DENND10: variants seen among roughly 807,000 people sequenced by gnomAD.
The protein encoded by DENND10 is DENN domain-containing protein 10.
In DENND10, 24 loss-of-function variants were observed where a neutral mutation model predicts 43.6. That is an observed-to-expected ratio of 0.55 (90% CI 0.40 to 0.77). The LOEUF is 0.77. Ranked by LOEUF, DENND10 falls within the 30% of genes least tolerant of loss-of-function variation. The pLI is 0.00. For missense variants in DENND10, 303 were observed against 429.9 expected (o/e 0.70, Z 2.61); for synonymous variants, 125 against 157.6 (o/e 0.79, Z 1.55).
At chr10:119,107,308 A>G (rs1248635001) in intron 1 of DENND10, among the ~76,000 whole-genome samples, 3 of 151,998 alleles carry the variant, frequency 2.0e-5, no homozygotes, top group Non-Finnish European at 4.4e-5. Context: ...AAAAAAAAAA[A>G]AAAGAATTAT....
At chr10:119,117,721 A>G (rs1845361846) in intron 4 of DENND10, 54 bp downstream of exon 4, 3 of 1,576,612 alleles carry the variant, frequency 1.9e-6, no homozygotes, top group Non-Finnish European at 1.7e-6. Context: ...TAATCCCAAC[A>G]CTTTGGGAGG....
In DENND10 at chr10:119,132,670, G is replaced by T. The variant is rs180698981; in HGVS notation, c.897+61G>T. 1.9e-5 allele frequency: 26 copies of T among 1,369,898 alleles called. No individual in the cohort carries two copies. Among genetic ancestry groups the T allele is most frequent in the Non-Finnish European group, 2.4e-5 (23 of 957,326 alleles). The allele number at this position is 1,369,898 out of a possible 1,614,324, so 84.9% of individuals were successfully genotyped here. A position where few individuals can be genotyped will look rare whatever the true frequency, so the allele number is the denominator to read the frequency against. ...GACCCGGTGTCGCTGGGTGGTGTGC[G>T]GCAGAGCTGTGCACATAAGCAGAGT... On this transcript the variant is annotated intron_variant, in intron 8 of 8. Transcript: ENST00000361432. The surrounding 1 kb of genome is among the most constrained non-coding windows in gnomAD (Gnocchi z 4.2).
chr10:119,117,472 A>AT lies in DENND10; in HGVS notation c.333-44dup, dbSNP rs767222274. 5 of 1,596,806 alleles carry AT rather than the reference A, an allele frequency of 3.1e-6. No homozygotes were observed. In the African/African-American group the frequency reaches 6.7e-5, roughly 21 times the overall value. On this transcript the variant is annotated intron_variant, in intron 3 of 8. Transcript: ENST00000361432. ...CAGCCTGGGTGCACATCTGTACATG[A>AT]TTTGTGCCAAATGAAATCACAGTTG...
intron 2 of DENND10, among the ~76,000 whole-genome samples, chr10:119,109,430 CCAAA>C (rs1056364513): frequency 6.6e-5 from 10 of 151,924 alleles, no homozygotes; most frequent in Admixed American, 6.6e-5. Context: ...TGGCATGTAC[CCAAA>C]CAGAGATTTT....
intron 2 of DENND10, among the ~76,000 whole-genome samples, chr10:119,109,519 A>T (rs2133459582): frequency 6.6e-6 from 1 of 152,344 alleles, no homozygotes; most frequent in Non-Finnish European, 1.5e-5. Context: ...CTTAAATTTT[A>T]AAAATTACAT....
rs778222300 is a variant in DENND10, at chr10:119,123,539, G to A, written c.664G>A (p.Asp222Asn). ...TCACTCTTACGTGCACCTCAACGCC[G>A]ATGAGCTGGAAGCCCTGCAGATGTG... ...ILHSYVHLNA[D>N]ELEALQMCTG... Residue 222 changes from aspartate to asparagine, a missense_variant, in exon 6 of 9, where the codon GAT becomes AAT. Coordinates refer to ENST00000361432, the MANE Select transcript of DENND10 (RefSeq NM_207009.4). 7 of 1,612,962 alleles carry A rather than the reference G, an allele frequency of 4.3e-6. No homozygotes were observed. The highest frequency in any genetic ancestry group is 3.3e-4 in the Middle Eastern group (2 of 6,056).
At chr10:119,123,440 C>T in intron 5 of DENND10, 29 bp from the exon 6 acceptor site, 1 of 1,542,012 alleles carries the variant, frequency 6.5e-7, no homozygotes, top group Non-Finnish European at 9.0e-7. Context: ...GGACCAGCAA[C>T]AACTTGAGTT....
chr10:119,123,022 C>T (rs1409555922), intron 5 of DENND10, among the ~76,000 whole-genome samples: 1 of 152,192 alleles, frequency 6.6e-6, no homozygotes, highest in Non-Finnish European at 1.5e-5. Context: ...AATCCCAGCA[C>T]TTTGGGAGGC....
intron 3 of DENND10, among the ~76,000 whole-genome samples, chr10:119,115,610 CG>C (rs1413985901): frequency 6.9e-6 from 1 of 144,742 alleles, no homozygotes; most frequent in Non-Finnish European, 1.5e-5. Context: ...GGGATGGTCT[CG>C]ATCTCCTGAC....
At chr10:119,133,721 T>G (rs149650099) in intron 8 of DENND10, 36 of 152,422 alleles carry the variant, frequency 2.4e-4, no homozygotes, top group African/African-American at 7.9e-4. Flanking sequence ...CCTGGCCAGC[T>G]GTGAGCAGGA....
intron 3 of DENND10, chr10:119,114,001 G>A (rs907576729): frequency 1.3e-5 from 2 of 152,160 alleles, no homozygotes; most frequent in Non-Finnish European, 2.9e-5. Flanking sequence ...TTGAGTCAGG[G>A]TTATGTTGCT....
chr10:119,133,199 G>A (rs183089056), intron 8 of DENND10: 145 of 155,660 alleles, frequency 9.3e-4, no homozygotes, highest in Non-Finnish European at 1.5e-3. Flanking sequence ...TGCTTTCCAC[G>A]TGGTGGCCTG....
chr10:119,104,189 G>A lies in DENND10; in HGVS notation c.47G>A (p.Gly16Glu). Residue 16 changes from glycine to glutamate, a missense_variant, in exon 1 of 9, where the codon GGG (glycine) becomes GAG (glutamate). Transcript: ENST00000361432. ...VADTQLMLGV[G>E]LIEKDTNGEV... Reference sequence around the variant, plus strand: ...GACACTCAGCTGATGCTTGGAGTCGGGCTGATCGGTGAGGACGTAGGCGCC... The same window carrying A: ...GACACTCAGCTGATGCTTGGAGTCGAGCTGATCGGTGAGGACGTAGGCGCC... 8 of 1,524,030 alleles carry A rather than the reference G, an allele frequency of 5.2e-6. No homozygotes were observed. Among genetic ancestry groups the A allele is most frequent in the Non-Finnish European group, 7.0e-6 (8 of 1,137,696 alleles). The allele number at this position is 1,524,030 out of a possible 1,614,324, so 94.4% of individuals were successfully genotyped here. A position where few individuals can be genotyped will look rare whatever the true frequency, so the allele number is the denominator to read the frequency against.
intron 4 of DENND10, among the ~76,000 whole-genome samples, chr10:119,118,922 C>T (rs1845425731): frequency 6.7e-6 from 1 of 148,176 alleles, no homozygotes; most frequent in Non-Finnish European, 1.5e-5. Flanking sequence ...CAGCTCACTG[C>T]AACCTTTGCC....
chr10:119,111,935 A>G lies in DENND10; in HGVS notation c.332+7A>G. 6.3e-7 allele frequency: 1 copy of G among 1,591,698 alleles called. No individual in the cohort carries two copies. Among genetic ancestry groups the G allele is most frequent in the Non-Finnish European group, 8.6e-7 (1 of 1,160,348 alleles). ...TCACTAGGATATTGTGTAGGTCTGT[A>G]TAAAAATTGTATTAAATGCTAATAT... is the stretch of plus-strand genomic sequence containing the variant. On this transcript the variant is annotated splice_region_variant and intron_variant, in intron 3 of 8. Transcript: ENST00000361432.
chr10:119,115,892 T>C (rs550207806), intron 3 of DENND10, among the ~76,000 whole-genome samples: 10 of 151,804 alleles, frequency 6.6e-5, no homozygotes, highest in Non-Finnish European at 1.5e-4. Flanking sequence ...GCCTCCCAAG[T>C]AGCTGGGATT....
chr10:119,109,150 A>G (rs1844849302), intron 2 of DENND10, among the ~76,000 whole-genome samples: 1 of 144,984 alleles, frequency 6.9e-6, no homozygotes, highest in Non-Finnish European at 1.5e-5. Flanking sequence ...CGGGAGGCAG[A>G]GGTTGTGGTG....
intron 1 of DENND10, chr10:119,105,110 C>T (rs1844624651): frequency 1.3e-5 from 2 of 152,370 alleles, no homozygotes; most frequent in African/African-American, 4.8e-5. Context: ...CGTTGGTTCC[C>T]TTCGAAAAAG....
At chr10:119,131,180 C>T (rs1333010885) in intron 7 of DENND10, among the ~76,000 whole-genome samples, 2 of 152,144 alleles carry the variant, frequency 1.3e-5, no homozygotes, top group African/African-American at 2.4e-5. Context: ...CAAATTAGGC[C>T]GGCCATGGTG....
Sources: allele counts gnomAD v4.1 joint callset (sites outside exome capture counted in the v4.1 genomes callset), GRCh38; gene constraint gnomAD v4.1.1; non-coding constraint Gnocchi (gnomAD v3.1); transcripts MANE v1.5; gene names NCBI Gene and HGNC (gene_info 2026-07-23, HGNC 2026-07-21).